Variants in KYNU observed in about 807,000 individuals in gnomAD.
The protein encoded by KYNU is L-kynurenine hydrolase.
Under a neutral mutation model 59.2 loss-of-function variants are expected in KYNU, and 54 were observed. The observed-to-expected ratio is 0.91, with a 90% CI of 0.73 to 1.14. The LOEUF is 1.14. KYNU is among the 50% of genes most tolerant of loss of function. The probability of loss-of-function intolerance (pLI) is 0.00; values close to 1 mark genes in which losing one functional copy is unlikely to be tolerated. For missense variants in KYNU, 567 were observed against 554.4 expected (o/e 1.02, Z -0.23); for synonymous variants, 177 against 192.0 (o/e 0.92, Z 0.65).
At chr2:142,908,409 T>G (rs1293114488) in intron 2 of KYNU, among the ~76,000 whole-genome samples, 1 of 151,092 alleles carries the variant, frequency 6.6e-6, no homozygotes, top group Non-Finnish European at 1.5e-5. Context: ...AGAAGTCTGT[T>G]TTTTTTTTAT....
chr2:142,892,470 G>A (rs1023887707), intron 2 of KYNU, among the ~76,000 whole-genome samples: 5 of 152,200 alleles, frequency 3.3e-5, no homozygotes, highest in African/African-American at 1.2e-4. Flanking sequence ...ATCAAAGAAT[G>A]TCATGTAAAA....
chr2:142,970,230 C>T (rs754016436), intron 8 of KYNU, among the ~76,000 whole-genome samples: 16 of 152,100 alleles, frequency 1.1e-4, no homozygotes, highest in African/African-American at 3.6e-4. Flanking sequence ...AAAATATTTT[C>T]GCAGCAGATA....
chr2:142,935,971 G>C (rs1354930816), intron 4 of KYNU, among the ~76,000 whole-genome samples: 5 of 152,162 alleles, frequency 3.3e-5, no homozygotes, highest in Non-Finnish European at 5.9e-5. Flanking sequence ...GGATACAGCT[G>C]ACTGGGAAGG....
In KYNU at chr2:143,030,522, CCGGAGTA is replaced by C. The variant is rs1485170244; in HGVS notation, c.955+845_955+851del. ...ACAAGGTCTTGTTCTGTCACCTAGG[CCGGAGTA>C]CAGTGGTGCGATCAGGCTCAGTTCA... is the stretch of plus-strand genomic sequence containing the variant. On this transcript the variant is annotated intron_variant, in intron 11 of 13. Coordinates refer to ENST00000264170, the MANE Select transcript of KYNU (RefSeq NM_003937.3). Among the ~76,000 whole-genome samples, 3 of 152,148 alleles carry C rather than the reference CCGGAGTA, an allele frequency of 2.0e-5. No individual in the cohort carries two copies. In the East Asian group the frequency reaches 5.8e-4, roughly 29 times the overall value.
rs755862077 is a variant in KYNU, at chr2:142,885,409, G to A, written c.42G>A (p.Gln14=). Residue 14 remains glutamine, a synonymous_variant, in exon 2 of 14, where the codon CAG becomes CAA. Coordinates refer to ENST00000264170, the MANE Select transcript of KYNU (RefSeq NM_003937.3). ...TTGAGCTGCCGGCTGACACAGTGCA[G>A]CGCATTGCGGCTGAACTCAAATGCC... is the stretch of plus-strand genomic sequence containing the variant. ...SSLELPADTV[Q]RIAAELKCHP... 6 of 1,614,034 alleles carry A rather than the reference G, an allele frequency of 3.7e-6. No homozygotes were observed. The highest frequency in any genetic ancestry group is 1.7e-4 in the Middle Eastern group (1 of 6,056).
intron 2 of KYNU, among the ~76,000 whole-genome samples, chr2:142,903,121 A>G (rs1323016623): frequency 5.9e-5 from 9 of 152,032 alleles, no homozygotes; most frequent in Admixed American, 5.9e-4. Context: ...CTAAAATTGG[A>G]GGATTGCAGG....
intron 10 of KYNU, among the ~76,000 whole-genome samples, chr2:143,028,334 C>T (rs1327758196): frequency 1.3e-5 from 2 of 149,562 alleles, no homozygotes; most frequent in Non-Finnish European, 3.0e-5. Flanking sequence ...CAACCTCCCC[C>T]TCTGGGTTCA....
chr2:143,040,797 A>G, intron 13 of KYNU, 139 bp downstream of exon 13: 1 of 622,458 alleles, frequency 1.6e-6, no homozygotes, highest in South Asian at 2.0e-5. Flanking sequence ...GTGCCAACTA[A>G]GCCCTCAGCA....
rs1047488500 is a variant in KYNU at position 142,994,361 on chromosome 2, C to G, written c.902+8340C>G. On this transcript the variant is annotated intron_variant, in intron 10 of 13. Transcript: ENST00000264170. ...TATTACTCACAACAAACTTCTAAACCACGTGATCCATATTCTCCATGTTCA... is the reference window on the plus strand; with the variant it reads ...TATTACTCACAACAAACTTCTAAACGACGTGATCCATATTCTCCATGTTCA... 7.2e-5 allele frequency among the ~76,000 whole-genome samples: 11 copies of G among 152,132 alleles called. 1 individual carries two copies. The East Asian group carries it at 2.1e-3, about 29-fold the overall frequency.
intron 10 of KYNU, among the ~76,000 whole-genome samples, chr2:143,019,943 A>G (rs927642415): frequency 6.6e-6 from 1 of 151,812 alleles, no homozygotes; most frequent in Non-Finnish European, 1.5e-5. Context: ...GTCTGTAATT[A>G]TCCTTTGTAT....
At chr2:142,963,137 A>T (rs16858414) in intron 8 of KYNU, among the ~76,000 whole-genome samples, 6,365 of 152,270 alleles carry the variant, frequency 0.042, 454 homozygotes, top group African/African-American at 0.15. Context: ...AGAAACAGAA[A>T]TTGTGAAAAA....
chr2:142,909,551 G>A (rs2104967299), intron 2 of KYNU, among the ~76,000 whole-genome samples: 1 of 152,286 alleles, frequency 6.6e-6, no homozygotes, highest in South Asian at 2.1e-4. Flanking sequence ...AGAACATATA[G>A]TATGCAGTTC....
rs150440527 is a variant in KYNU, at chr2:143,000,930, G to A, written c.902+14909G>A. ...CCCTTGTAATTGCTTCAATATTCAT[G>A]TCGATAAAACTGAAACATCTTATCT... On this transcript the variant is annotated intron_variant, in intron 10 of 13. Coordinates refer to ENST00000264170, the MANE Select transcript of KYNU (RefSeq NM_003937.3). Among the ~76,000 whole-genome samples the A allele has an allele frequency of 2.8e-4, 43 of 152,186 alleles. 2 individuals are homozygous for A. Among genetic ancestry groups the A allele is most frequent in the African/African-American group, 9.9e-4 (41 of 41,520 alleles).
chr2:142,976,144 G>A (rs930932863), intron 8 of KYNU, among the ~76,000 whole-genome samples: 1 of 152,190 alleles, frequency 6.6e-6, no homozygotes, highest in Non-Finnish European at 1.5e-5. Flanking sequence ...AGAGAGGCAA[G>A]GGGTGGAGGG....
chr2:142,978,775 A>G (rs191331157), intron 8 of KYNU, among the ~76,000 whole-genome samples: 5 of 152,296 alleles, frequency 3.3e-5, no homozygotes, highest in Middle Eastern at 3.4e-3. Flanking sequence ...AGCCCCGGGT[A>G]TAGTGACAAA....
At chr2:143,039,637 G>T (rs991725831) in intron 12 of KYNU, among the ~76,000 whole-genome samples, 5 of 152,092 alleles carry the variant, frequency 3.3e-5, no homozygotes, top group Non-Finnish European at 7.4e-5. Flanking sequence ...TGGTTACAGG[G>T]AGAAGGCCTG....
rs531067429 is a variant in KYNU at position 143,027,177 on chromosome 2, A to G, written c.903-2450A>G. ...AATACACAAATCTTGGTGTACTTCA[A>G]ATAGTGTAATCCAAATAGTGTAATC... On this transcript the variant is annotated intron_variant, in intron 10 of 13. Transcript: ENST00000264170. Among the ~76,000 whole-genome samples, 5 of 152,304 alleles carry G rather than the reference A, an allele frequency of 3.3e-5. No homozygotes were observed. The South Asian group carries it at 8.3e-4, about 25-fold the overall frequency.
At chr2:142,939,142 T>C (rs1039500728) in intron 4 of KYNU, among the ~76,000 whole-genome samples, 1 of 151,430 alleles carries the variant, frequency 6.6e-6, no homozygotes, top group South Asian at 2.1e-4. Context: ...ACTAAGACCC[T>C]GTCTCAAACA....
intron 3 of KYNU, among the ~76,000 whole-genome samples, chr2:142,922,941 CTT>C (rs1005838249): frequency 1.3e-4 from 20 of 152,156 alleles, no homozygotes; most frequent in African/African-American, 4.8e-4. Flanking sequence ...TGCTGGCTGA[CTT>C]AGTGTCTGGT....
Sources: allele counts gnomAD v4.1 joint callset (sites outside exome capture counted in the v4.1 genomes callset), GRCh38; gene constraint gnomAD v4.1.1; transcripts MANE v1.5; gene names NCBI Gene and HGNC (gene_info 2026-07-23, HGNC 2026-07-21).